Variants in FMN1 observed in about 807,000 individuals in gnomAD.
FMN1 encodes formin-1.
Under a neutral mutation model 132.4 loss-of-function variants are expected in FMN1, and 110 were observed. The observed-to-expected ratio is 0.83, with a 90% CI of 0.71 to 0.97. The LOEUF is 0.97. FMN1 is among the 50% of genes least tolerant of loss of function. The pLI, the probability that FMN1 is intolerant of heterozygous loss-of-function variation, is 0.00. For synonymous variants in FMN1, 722 were observed against 651.7 expected, an observed-to-expected ratio of 1.11 and a Z score of -1.64; for missense variants, 1,792 against 1,705.3, an observed-to-expected ratio of 1.05 and a Z score of -0.90.
intron 8 of FMN1, among the ~76,000 whole-genome samples, chr15:32,964,690 C>T (rs1056033879): frequency 6.6e-6 from 1 of 152,126 alleles, no homozygotes. Context: ...AATGGAGTAC[C>T]GAAGTAAAGA....
At chr15:33,024,107 G>A (rs190071816) in intron 6 of FMN1, among the ~76,000 whole-genome samples, 2 of 151,458 alleles carry the variant, frequency 1.3e-5, no homozygotes, top group Admixed American at 1.3e-4. Context: ...GTAAATTTAT[G>A]GAAGATAAAC....
chr15:32,868,945 G>A (rs145029157), intron 16 of FMN1, among the ~76,000 whole-genome samples: 1 of 152,294 alleles, frequency 6.6e-6, no homozygotes, highest in Non-Finnish European at 1.5e-5. Context: ...ATAGTGTGGT[G>A]TGATGGAACG....
chr15:33,108,488 T>C (rs2039570733), intron 4 of FMN1, among the ~76,000 whole-genome samples: 1 of 151,998 alleles, frequency 6.6e-6, no homozygotes, highest in South Asian at 2.1e-4. Context: ...AGTTATTAGA[T>C]TGCAAGGTAG....
At chr15:32,886,744 C>T (rs1213899682) in intron 16 of FMN1, among the ~76,000 whole-genome samples, 1 of 152,140 alleles carries the variant, frequency 6.6e-6, no homozygotes, top group Admixed American at 6.5e-5. Context: ...AAACAAGCTC[C>T]CCTGCCATTG....
chr15:33,012,240 CAAG>C, intron 6 of FMN1: 2 of 694,002 alleles, frequency 2.9e-6, no homozygotes. Flanking sequence ...GGGGAACGCT[CAAG>C]AACTGTGTGG....
At chr15:32,776,313 T>C (rs1315715274) in intron 20 of FMN1, among the ~76,000 whole-genome samples, 1 of 152,142 alleles carries the variant, frequency 6.6e-6, no homozygotes, top group Non-Finnish European at 1.5e-5. Context: ...ATCTCACATA[T>C]AGGAAGGCTG....
intron 8 of FMN1, 74 bp from the exon 9 acceptor site, chr15:32,964,331 T>A: frequency 9.6e-7 from 1 of 1,045,986 alleles, no homozygotes; most frequent in Non-Finnish European, 1.4e-6. Context: ...AATCTTTCTC[T>A]AATCCATTTT....
At chr15:32,920,589 T>C (rs1017769106) in intron 10 of FMN1, among the ~76,000 whole-genome samples, 6 of 152,200 alleles carry the variant, frequency 3.9e-5, no homozygotes, top group Admixed American at 1.3e-4. Context: ...GGTAGATTTT[T>C]AGATGCTCAC....
At chr15:33,018,663 T>C (rs1369539005) in intron 6 of FMN1, among the ~76,000 whole-genome samples, 5 of 152,336 alleles carry the variant, frequency 3.3e-5, no homozygotes, top group Admixed American at 2.6e-4. Context: ...GGTGTGTTCT[T>C]GGTCTCACTG....
chr15:33,084,280 C>G (rs780565734), intron 5 of FMN1, among the ~76,000 whole-genome samples: 1 of 152,158 alleles, frequency 6.6e-6, no homozygotes, highest in Non-Finnish European at 1.5e-5. Flanking sequence ...GATCAAGACC[C>G]CTATCTGGTA....
Position 32,846,040 on chromosome 15 carries a change from C to T in FMN1, c.3928+10975G>A, listed in dbSNP as rs560064284. ...TTAAGTGGTGAACCCAGTGTTCAAA[C>T]CTAGGTCTTCTGACTTCAAGCACAA... On this transcript the variant is annotated intron_variant, in intron 17 of 20. Coordinates refer to ENST00000616417, the MANE Select transcript of FMN1 (RefSeq NM_001277313.2). Among the ~76,000 whole-genome samples the T allele has an allele frequency of 3.3e-5, 5 of 151,976 alleles. No individual in the cohort carries two copies. In the East Asian group the frequency reaches 9.7e-4, roughly 29 times the overall value.
intron 4 of FMN1, among the ~76,000 whole-genome samples, chr15:33,120,763 C>G (rs1034730332): frequency 6.6e-6 from 1 of 152,060 alleles, no homozygotes; most frequent in African/African-American, 2.4e-5. Context: ...TACCTATTAC[C>G]CTTTTACTGC....
chr15:32,807,183 G>A (rs1595966574), intron 17 of FMN1, among the ~76,000 whole-genome samples: 1 of 152,346 alleles, frequency 6.6e-6, no homozygotes, highest in Non-Finnish European at 1.5e-5. Flanking sequence ...AGAAGATTGA[G>A]AGGCTAATGT....
At chr15:32,911,329 G>A (rs1239616189) in intron 10 of FMN1, among the ~76,000 whole-genome samples, 1 of 147,918 alleles carries the variant, frequency 6.8e-6, no homozygotes, top group Non-Finnish European at 1.5e-5. Flanking sequence ...AAACTAATAA[G>A]GTTTGTTCCC....
chr15:33,181,707 C>CTTTT (rs753993602), intron 2 of FMN1, among the ~76,000 whole-genome samples: 18 of 126,188 alleles, frequency 1.4e-4, no homozygotes, highest in Non-Finnish European at 2.3e-4. Flanking sequence ...TTTTTTCTTT[C>CTTTT]TTTTTTTTTT....
chr15:32,798,570 T>C (rs1325747443), intron 19 of FMN1, among the ~76,000 whole-genome samples: 1 of 152,172 alleles, frequency 6.6e-6, no homozygotes, highest in African/African-American at 2.4e-5. Context: ...AGCTAGTAAT[T>C]GGAAGGGGTT....
chr15:33,126,414 C>T (rs1401581035), intron 4 of FMN1, among the ~76,000 whole-genome samples: 1 of 152,142 alleles, frequency 6.6e-6, no homozygotes, highest in Non-Finnish European at 1.5e-5. Flanking sequence ...CCCAGAGCTT[C>T]TGGAGGGTGA....
At chr15:33,123,609 TATAGTG>T (rs1325571881) in intron 4 of FMN1, among the ~76,000 whole-genome samples, 1 of 152,162 alleles carries the variant, frequency 6.6e-6, no homozygotes, top group Non-Finnish European at 1.5e-5. Flanking sequence ...GTACAGGTTA[TATAGTG>T]AGGGTTGTTG....
intron 19 of FMN1, among the ~76,000 whole-genome samples, chr15:32,778,066 A>T (rs1181917461): frequency 1.1e-4 from 1 of 8,870 alleles, no homozygotes; most frequent in Admixed American, 2.5e-3. Context: ...CATTTATTAT[A>T]TATTATGTAT....
Sources: allele counts gnomAD v4.1 joint callset (sites outside exome capture counted in the v4.1 genomes callset), GRCh38; gene constraint gnomAD v4.1.1; transcripts MANE v1.5; gene names NCBI Gene and HGNC (gene_info 2026-07-23, HGNC 2026-07-21).